Variants in CLSTN2 observed in about 807,000 individuals in gnomAD.
CLSTN2 encodes calsyntenin 2.
In CLSTN2, 48 loss-of-function variants were observed where a neutral mutation model predicts 101.2. That is an observed-to-expected ratio of 0.47 (90% CI 0.38 to 0.60). The LOEUF is 0.60. CLSTN2 is among the 20% of genes least tolerant of loss of function. The probability of loss-of-function intolerance (pLI) is 0.00; values close to 1 mark genes in which losing one functional copy is unlikely to be tolerated. For synonymous variants in CLSTN2, 481 were observed against 463.6 expected (o/e 1.04, Z -0.48); for missense variants, 1,160 against 1,238.2 (o/e 0.94, Z 0.95).
chr3:140,272,212 C>T (rs2086748447), intron 2 of CLSTN2, among the ~76,000 whole-genome samples: 2 of 152,154 alleles, frequency 1.3e-5, no homozygotes, highest in South Asian at 4.1e-4. Context: ...TTTGAACAAC[C>T]TAGATCTAGG....
At chr3:139,951,748 C>T in intron 1 of CLSTN2, among the ~76,000 whole-genome samples, 1 of 152,148 alleles carries the variant, frequency 6.6e-6, no homozygotes. Context: ...GAAAGAGGAG[C>T]TTGACAAATC....
At chr3:140,305,530 C>T (rs1365372881) in intron 2 of CLSTN2, among the ~76,000 whole-genome samples, 2 of 152,138 alleles carry the variant, frequency 1.3e-5, no homozygotes, top group Non-Finnish European at 2.9e-5. Flanking sequence ...AGAACGTGCT[C>T]AGGCAGAAAT....
intron 6 of CLSTN2, chr3:140,449,419 G>T (rs568421551): frequency 3.3e-5 from 5 of 152,326 alleles, no homozygotes; most frequent in African/African-American, 1.2e-4. Context: ...AGAAGCAGGA[G>T]ATGGCTCACA....
chr3:140,232,452 C>T (rs2086378932), intron 2 of CLSTN2, among the ~76,000 whole-genome samples: 4 of 152,036 alleles, frequency 2.6e-5, no homozygotes, highest in Admixed American at 1.3e-4. Flanking sequence ...CCCCAGGGGT[C>T]CCCTTGGACT....
At chr3:140,505,960 G>A (rs1934677223) in intron 8 of CLSTN2, 1 of 152,160 alleles carries the variant, frequency 6.6e-6, no homozygotes, top group South Asian at 2.1e-4. Flanking sequence ...ACACACTCCT[G>A]AGGACAGGAA....
At chr3:140,443,955 G>A (rs1348088789) in intron 5 of CLSTN2, among the ~76,000 whole-genome samples, 3 of 152,184 alleles carry the variant, frequency 2.0e-5, no homozygotes, top group Admixed American at 1.3e-4. Flanking sequence ...CAGTGTCAAA[G>A]CAAACCTCCA....
At chr3:140,559,718 C>T (rs112283511) in intron 12 of CLSTN2, among the ~76,000 whole-genome samples, 3,418 of 152,188 alleles carry the variant, frequency 0.022, 127 homozygotes, top group African/African-American at 0.079. Flanking sequence ...TCCCCTCCCC[C>T]TCCAAAAGCC....
chr3:140,241,180 C>T (rs564701756), intron 2 of CLSTN2, among the ~76,000 whole-genome samples: 1 of 152,272 alleles, frequency 6.6e-6, no homozygotes, highest in East Asian at 1.9e-4. Flanking sequence ...ATGACTTATA[C>T]CCATTTTGTC....
intron 1 of CLSTN2, among the ~76,000 whole-genome samples, chr3:139,987,852 A>G (rs949592963): frequency 6.6e-5 from 10 of 152,308 alleles, no homozygotes; most frequent in African/African-American, 2.2e-4. Flanking sequence ...AACTGGAATG[A>G]TTTTAATTTT....
chr3:140,053,971 C>T (rs772712904), intron 1 of CLSTN2, among the ~76,000 whole-genome samples: 15 of 152,148 alleles, frequency 9.9e-5, no homozygotes, highest in African/African-American at 2.2e-4. Context: ...GAGTTAGACT[C>T]GGGCCCAATA....
intron 8 of CLSTN2, among the ~76,000 whole-genome samples, chr3:140,531,392 C>T (rs1935252325): frequency 6.6e-6 from 1 of 152,184 alleles, no homozygotes; most frequent in African/African-American, 2.4e-5. Flanking sequence ...GTTATCTGTT[C>T]ATGAGAAACA....
chr3:140,168,130 G>C (rs1189914511), intron 1 of CLSTN2, among the ~76,000 whole-genome samples: 1 of 152,100 alleles, frequency 6.6e-6, no homozygotes, highest in Non-Finnish European at 1.5e-5. Context: ...GACTGTATTA[G>C]TCTTACATTC....
intron 2 of CLSTN2, among the ~76,000 whole-genome samples, chr3:140,305,126 C>A (rs1409241654): frequency 1.3e-5 from 2 of 151,736 alleles, no homozygotes. Context: ...TCCTCCTGTT[C>A]CCTCTTTAGT....
chr3:140,419,830 T>C lies in CLSTN2; in HGVS notation c.638-1295T>C, dbSNP rs1221216736. 1.4e-4 allele frequency among the ~76,000 whole-genome samples: 13 copies of C among 93,182 alleles called. 3 individuals are homozygous for C. Among genetic ancestry groups the C allele is most frequent in the East Asian group, 1.2e-3 (4 of 3,270 alleles). The allele number at this position is 93,182 out of a possible 152,430, so 61.1% of individuals were successfully genotyped here. On this transcript the variant is annotated intron_variant, in intron 4 of 16. Transcript: ENST00000458420. ...GTGTATATACGTATATATACGTATA[T>C]GTGTATATATATGTGTATATATATA... is the stretch of plus-strand genomic sequence containing the variant.
At chr3:140,154,785 C>G (rs1414155316) in intron 1 of CLSTN2, among the ~76,000 whole-genome samples, 2 of 151,686 alleles carry the variant, frequency 1.3e-5, no homozygotes, top group African/African-American at 2.4e-5. Flanking sequence ...GCTGGGACTA[C>G]AGGCACCCGC....
At chr3:140,153,144 G>C (rs2009893711) in intron 1 of CLSTN2, among the ~76,000 whole-genome samples, 1 of 152,198 alleles carries the variant, frequency 6.6e-6, no homozygotes, top group Admixed American at 6.5e-5. Flanking sequence ...TGTTGAGAGA[G>C]GGGTCCTGGT....
chr3:140,491,042 C>T (rs1934345120), intron 8 of CLSTN2, among the ~76,000 whole-genome samples: 1 of 152,206 alleles, frequency 6.6e-6, no homozygotes, highest in Non-Finnish European at 1.5e-5. Context: ...AGTCATACGT[C>T]CCTAATAAAC....
chr3:140,156,869 A>G (rs1301148756), intron 1 of CLSTN2, among the ~76,000 whole-genome samples: 1 of 151,842 alleles, frequency 6.6e-6, no homozygotes, highest in Non-Finnish European at 1.5e-5. Flanking sequence ...CTCACAAAAT[A>G]ATTTTTCTTA....
At chr3:140,190,036 A>C (rs571085450) in intron 2 of CLSTN2, among the ~76,000 whole-genome samples, 59 of 152,308 alleles carry the variant, frequency 3.9e-4, no homozygotes, top group African/African-American at 1.4e-3. Flanking sequence ...CTAAGTCCTC[A>C]CAGGGTAGAA....
Sources: allele counts gnomAD v4.1 joint callset (sites outside exome capture counted in the v4.1 genomes callset), GRCh38; gene constraint gnomAD v4.1.1; transcripts MANE v1.5; gene names NCBI Gene and HGNC (gene_info 2026-07-23, HGNC 2026-07-21).